Variants in ARHGEF10L observed in about 807,000 individuals in gnomAD.
ARHGEF10L encodes the protein Rho guanine nucleotide exchange factor 10 like.
ARHGEF10L carries 69 observed loss-of-function variants against 141.2 expected under a neutral mutation model. That is an observed-to-expected ratio of 0.49 (90% confidence interval 0.40 to 0.60). The LOEUF is 0.60. Among genes scored for constraint, ARHGEF10L ranks in the 20% least tolerant of loss-of-function variants. The pLI, the probability that ARHGEF10L is intolerant of heterozygous loss-of-function variation, is 0.00. For missense variants in ARHGEF10L, 1,482 were observed against 1,734.3 expected (o/e 0.85, Z 2.58); for synonymous variants, 711 against 718.5 (o/e 0.99, Z 0.17).
At chr1:17,549,469 G>A (rs552310552) in intron 1 of ARHGEF10L, among the ~76,000 whole-genome samples, 2 of 152,266 alleles carry the variant, frequency 1.3e-5, no homozygotes, top group South Asian at 4.1e-4. Flanking sequence ...GGTGTATGTG[G>A]GGGTGGGGGT....
rs1382437610 is a variant in ARHGEF10L at position 17,638,011 on chromosome 1, G to A, written c.2043+8G>A. On this transcript the variant is annotated splice_region_variant and intron_variant, in intron 19 of 28. Transcript: ENST00000361221. ...CTGCACGGCACCTACCAGGTACGTG[G>A]CCTGGCCTGACCTTTTTGGCCTGAG... 1.3e-6 allele frequency: 2 copies of A among 1,569,232 alleles called. No homozygotes were observed. Among genetic ancestry groups the A allele is most frequent in the Non-Finnish European group, 1.7e-6 (2 of 1,156,338 alleles).
chr1:17,541,835 C>G (rs79671493), intron 1 of ARHGEF10L, among the ~76,000 whole-genome samples: 1 of 152,016 alleles, frequency 6.6e-6, no homozygotes, highest in Non-Finnish European at 1.5e-5. Flanking sequence ...GGCATAGTGG[C>G]ACATGCCTGT....
At chr1:17,695,600 G>A (rs1264404934) in intron 28 of ARHGEF10L, among the ~76,000 whole-genome samples, 2 of 152,226 alleles carry the variant, frequency 1.3e-5, no homozygotes, top group Admixed American at 1.3e-4. Context: ...AGATGTCCAG[G>A]CTCCAGAGAA....
At chr1:17,669,815 A>G (rs2063204034) in intron 26 of ARHGEF10L, among the ~76,000 whole-genome samples, 1 of 152,250 alleles carries the variant, frequency 6.6e-6, no homozygotes, top group Non-Finnish European at 1.5e-5. Flanking sequence ...AGAAATGAGC[A>G]AGGTGGGCTC....
intron 1 of ARHGEF10L, among the ~76,000 whole-genome samples, chr1:17,544,543 C>T (rs184000584): frequency 3.9e-5 from 6 of 152,268 alleles, no homozygotes; most frequent in Admixed American, 2.0e-4. Context: ...GATCTGCCCA[C>T]CTCAGCCTCC....
chr1:17,666,002 G>T (rs2062956028), intron 26 of ARHGEF10L, among the ~76,000 whole-genome samples: 1 of 152,180 alleles, frequency 6.6e-6, no homozygotes, highest in Non-Finnish European at 1.5e-5. Flanking sequence ...GATTCTGAAG[G>T]CAGGAAAGAA....
At chr1:17,559,361 G>C (rs12039118) in intron 1 of ARHGEF10L, among the ~76,000 whole-genome samples, 4 of 152,098 alleles carry the variant, frequency 2.6e-5, no homozygotes, top group South Asian at 2.1e-4. Context: ...ACACTAGAAG[G>C]GGCTGGGTAT....
At position 17,613,184 on chromosome 1, in the gene ARHGEF10L, G is replaced by C. The variant is rs1254154589; in HGVS notation, c.726+10G>C. ...CAAGTACGATTGTAAGGTATTGTCT[G>C]TCTGTCCCCTCAAGCCCTGGATGGG... On this transcript the variant is annotated intron_variant, in intron 8 of 28. Transcript: ENST00000361221. 6.2e-7 allele frequency: 1 copy of C among 1,606,418 alleles called. No homozygotes were observed. The highest frequency in any genetic ancestry group is 8.5e-7 in the Non-Finnish European group (1 of 1,173,830).
At chr1:17,571,799 G>T (rs1033267499) in intron 1 of ARHGEF10L, among the ~76,000 whole-genome samples, 3 of 152,282 alleles carry the variant, frequency 2.0e-5, no homozygotes, top group African/African-American at 7.2e-5. Flanking sequence ...CTCCCAAAGT[G>T]CTGGGATTAT....
chr1:17,664,830 G>C (rs1398946850), intron 26 of ARHGEF10L, among the ~76,000 whole-genome samples: 2 of 152,230 alleles, frequency 1.3e-5, no homozygotes, highest in Non-Finnish European at 2.9e-5. Context: ...CTGCACTGTG[G>C]CCTGGATCCT....
At chr1:17,554,875 G>C (rs2077249117) in intron 1 of ARHGEF10L, among the ~76,000 whole-genome samples, 1 of 152,096 alleles carries the variant, frequency 6.6e-6, no homozygotes, top group Non-Finnish European at 1.5e-5. Flanking sequence ...AGAGGCATGA[G>C]CCACTGTGCC....
Position 17,656,371 on chromosome 1 carries a change from C to T in ARHGEF10L, c.2706-183C>T, listed in dbSNP as rs144762552. ...GTGACAGAGGTGTCAGGGAGGGTAC[C>T]GTCCCAGAAAACCATGGAAAAGTGA... On this transcript the variant is annotated intron_variant, in intron 24 of 28. Coordinates refer to ENST00000361221, the MANE Select transcript of ARHGEF10L (RefSeq NM_018125.4). This position sits in a 1 kb window ranked among gnomAD's most constrained non-coding sequence, Gnocchi z 4.9. Among the ~76,000 whole-genome samples, 8 of 152,276 alleles carry T rather than the reference C, an allele frequency of 5.3e-5. No homozygotes were observed. The highest frequency in any genetic ancestry group is 3.4e-3 in the Middle Eastern group (1 of 294).
chr1:17,646,123 C>T (rs1024353263), intron 21 of ARHGEF10L, among the ~76,000 whole-genome samples: 6 of 152,206 alleles, frequency 3.9e-5, no homozygotes, highest in South Asian at 4.1e-4. Context: ...GTGAGCCCGC[C>T]GGGTGCTGGC....
chr1:17,625,132 C>T lies in ARHGEF10L; in HGVS notation c.1317+629C>T, dbSNP rs1450339148. Among the ~76,000 whole-genome samples the T allele has an allele frequency of 6.6e-6, 1 of 152,220 alleles. No individual in the cohort carries two copies. The highest frequency in any genetic ancestry group is 1.5e-5 in the Non-Finnish European group (1 of 68,050). On this transcript the variant is annotated intron_variant, in intron 13 of 28. Coordinates refer to ENST00000361221, the MANE Select transcript of ARHGEF10L (RefSeq NM_018125.4). The surrounding 1 kb of genome is among the most constrained non-coding windows in gnomAD (Gnocchi z 4.5). ...GCCTCAGTGGAGGAACCCACTGTCC[C>T]CATCAAAGAGAACAGGGGATCAGGA... is the stretch of plus-strand genomic sequence containing the variant.
rs145981317 is a variant in ARHGEF10L, at chr1:17,584,678, G to A, written c.38-2782G>A. Among the ~76,000 whole-genome samples, 419 of 152,318 alleles carry A rather than the reference G, an allele frequency of 2.8e-3. 1 individual carries two copies. The highest frequency in any genetic ancestry group is 9.6e-3 in the African/African-American group (399 of 41,564). The stretch of plus-strand genomic sequence containing the variant: ...GATGCGCAGTAAAGATCTGAAAGAG[G>A]GGAGAGCAGGAGAAGATACTCGAAG... On this transcript the variant is annotated intron_variant, in intron 2 of 28. Transcript: ENST00000361221.
In ARHGEF10L at chr1:17,607,167, A is replaced by G. The variant is rs2081257653; in HGVS notation, c.434-635A>G. ...GGCTCCGGGTCTTCTCTTTTCCAGT[A>G]AGAAACAGGCCACGTGTGGTGGCTC... is the stretch of plus-strand genomic sequence containing the variant. On this transcript the variant is annotated intron_variant, in intron 6 of 28. Coordinates refer to ENST00000361221, the MANE Select transcript of ARHGEF10L (RefSeq NM_018125.4). This position sits in a 1 kb window ranked among gnomAD's most constrained non-coding sequence, Gnocchi z 4.5. 6.6e-6 allele frequency among the ~76,000 whole-genome samples: 1 copy of G among 152,116 alleles called. No homozygotes were observed. Among genetic ancestry groups the G allele is most frequent in the East Asian group, 1.9e-4 (1 of 5,188 alleles).
At chr1:17,605,155 A>G (rs1382119804) in intron 6 of ARHGEF10L, among the ~76,000 whole-genome samples, 1 of 152,184 alleles carries the variant, frequency 6.6e-6, no homozygotes, top group African/African-American at 2.4e-5. Context: ...GGGTCCCAGC[A>G]CTGGCCTGCC....
chr1:17,628,034 T>TAA (rs372751897), intron 15 of ARHGEF10L, among the ~76,000 whole-genome samples: 10 of 144,014 alleles, frequency 6.9e-5, no homozygotes, highest in Non-Finnish European at 7.6e-5. Flanking sequence ...AACATGCTAT[T>TAA]AAAAAAAAAA....
chr1:17,517,116 A>G, the ARHGEF10L span, among the ~76,000 whole-genome samples: 8 of 152,154 alleles, frequency 5.3e-5, no homozygotes, highest in Admixed American at 1.3e-4. Context: ...GGACTTTTCA[A>G]TCCAACAGGG....
Sources: allele counts gnomAD v4.1 joint callset (sites outside exome capture counted in the v4.1 genomes callset), GRCh38; gene constraint gnomAD v4.1.1; non-coding constraint Gnocchi (gnomAD v3.1); transcripts MANE v1.5; gene names NCBI Gene and HGNC (gene_info 2026-07-23, HGNC 2026-07-21).